SULT2B1: variants seen among roughly 807,000 people sequenced by gnomAD.
SULT2B1 encodes sulfotransferase family 2B member 1.
In SULT2B1, 16 loss-of-function variants were observed where a neutral mutation model predicts 33.2. The ratio of observed to expected loss-of-function variants is 0.48; its 90% confidence interval spans 0.33 to 0.73. The LOEUF (loss-of-function observed/expected upper bound fraction) is 0.73, where lower values mean the gene tolerates loss of function less well. Among genes scored for constraint, SULT2B1 ranks in the 30% least tolerant of loss-of-function variants. The probability of loss-of-function intolerance (pLI) is 0.02; values close to 1 mark genes in which losing one functional copy is unlikely to be tolerated. For synonymous variants in SULT2B1, 186 were observed against 200.5 expected (o/e 0.93, Z 0.61); for missense variants, 500 against 506.0 (o/e 0.99, Z 0.11).
At chr19:48,584,276 T>TGA (rs1973534446) in intron 2 of SULT2B1, among the ~76,000 whole-genome samples, 1 of 152,176 alleles carries the variant, frequency 6.6e-6, no homozygotes, top group South Asian at 2.1e-4. Context: ...GGTATGGTCA[T>TGA]GACCCACTGG....
intron 1 of SULT2B1, among the ~76,000 whole-genome samples, chr19:48,569,718 G>A (rs1223401509): frequency 6.6e-6 from 1 of 151,554 alleles, no homozygotes; most frequent in Non-Finnish European, 1.5e-5. Context: ...CCAGGCTGGA[G>A]TGCAGTGACA....
chr19:48,596,883 C>T lies in SULT2B1; in HGVS notation c.790C>T (p.Leu264=). ...MSNYTLLPPS[L]LDHRRGAFLR... ...CAACTACACGCTGCTGCCTCCCAGC[C>T]TGCTGGACCACCGTCGCGGGGCCTT... is the stretch of plus-strand genomic sequence containing the variant. The change falls in exon 6 of 7, where the codon CTG becomes TTG. Residue 264 remains leucine (L), a synonymous_variant. Coordinates refer to ENST00000201586, the MANE Select transcript of SULT2B1 (RefSeq NM_177973.2). 2 of 1,605,876 alleles carry T rather than the reference C, an allele frequency of 1.2e-6. No homozygotes were observed. Among genetic ancestry groups the T allele is most frequent in the Non-Finnish European group, 1.7e-6 (2 of 1,179,240 alleles).
At chr19:48,568,416 A>T (rs965009578) in intron 1 of SULT2B1, among the ~76,000 whole-genome samples, 1 of 152,136 alleles carries the variant, frequency 6.6e-6, no homozygotes, top group Non-Finnish European at 1.5e-5. Flanking sequence ...CCAAGCCCTG[A>T]AGACAGAGAA....
chr19:48,589,519 T>C (rs987520119), intron 3 of SULT2B1, among the ~76,000 whole-genome samples: 2 of 152,100 alleles, frequency 1.3e-5, no homozygotes, highest in African/African-American at 4.8e-5. Context: ...CGCCAAGGAA[T>C]TGAGCGTGGA....
At chr19:48,576,178 A>C in intron 2 of SULT2B1, 95 bp downstream of exon 2, 1 of 1,170,212 alleles carries the variant, frequency 8.5e-7, no homozygotes, top group East Asian at 2.4e-5. Context: ...GGGGAGGAGG[A>C]AAAGTGGGGC....
intron 1 of SULT2B1, among the ~76,000 whole-genome samples, chr19:48,565,710 G>C (rs1453891614): frequency 6.6e-6 from 1 of 151,852 alleles, no homozygotes; most frequent in African/African-American, 2.4e-5. Context: ...TGTTTTAATA[G>C]AAGTTTACCT....
chr19:48,579,999 C>T (rs1013629741), intron 2 of SULT2B1, among the ~76,000 whole-genome samples: 9 of 152,030 alleles, frequency 5.9e-5, no homozygotes, highest in Non-Finnish European at 1.0e-4. Flanking sequence ...TCTCAGCTCA[C>T]TGCAGCCTTG....
At chr19:48,589,778 A>G (rs555847920) in intron 3 of SULT2B1, among the ~76,000 whole-genome samples, 69 of 152,280 alleles carry the variant, frequency 4.5e-4, no homozygotes, top group African/African-American at 1.7e-3. Context: ...TGGGCAACTT[A>G]GAAACACCCA....
chr19:48,570,442 G>A (rs562581587), intron 1 of SULT2B1, among the ~76,000 whole-genome samples: 56 of 152,188 alleles, frequency 3.7e-4, no homozygotes, highest in African/African-American at 1.3e-3. Flanking sequence ...GCCTCCCAAA[G>A]TACTGGGATT....
Position 48,552,374 on chromosome 19 carries a change from T to C in SULT2B1, c.71+51T>C, listed in dbSNP as rs751283415. 39 of 1,597,216 alleles carry C rather than the reference T, an allele frequency of 2.4e-5. No individual in the cohort carries two copies. Among genetic ancestry groups the C allele is most frequent in the Non-Finnish European group, 3.3e-5 (39 of 1,169,070 alleles). On this transcript the variant is annotated intron_variant, in intron 1 of 6. Transcript: ENST00000201586. The surrounding 1 kb of genome is among the most constrained non-coding windows in gnomAD (Gnocchi z 4.8). ...CAGGAGATCCCAGGGAGGAGGTGGC[T>C]GTTTGGGGGAGCCGGGGACTGTGGC... is the stretch of plus-strand genomic sequence containing the variant.
intron 1 of SULT2B1, among the ~76,000 whole-genome samples, chr19:48,570,544 G>A (rs568591154): frequency 1.7e-4 from 26 of 152,166 alleles, no homozygotes; most frequent in Admixed American, 6.6e-4. Flanking sequence ...ACTTACCCAT[G>A]CAAGGACGTT....
intron 2 of SULT2B1, among the ~76,000 whole-genome samples, chr19:48,576,363 T>TCTTTTTTTTTTC (rs1439371386): frequency 8.6e-6 from 1 of 116,948 alleles, no homozygotes; most frequent in East Asian, 2.3e-4. Context: ...ACTTCTCTTT[T>TCTTTTTTTTTTC]TTTTTTTTTT....
chr19:48,592,725 A>G lies in SULT2B1; in HGVS notation c.554A>G (p.Gln185Arg). The G allele has an allele frequency of 1.9e-6, 3 of 1,593,074 alleles. No homozygotes were observed. The highest frequency in any genetic ancestry group is 2.6e-6 in the Non-Finnish European group (3 of 1,169,138). Residue 185 changes from glutamine to arginine, a missense_variant, in exon 5 of 7, where the codon CAG (glutamine) becomes CGG (arginine). Gln to Arg is a conservative substitution (Grantham distance 43). Transcript: ENST00000201586. ...FLRDFLKGEV[Q>R]FGSWFDHIKG... ...CCACTTGTCCCTCTGCCCACAGTGCAGTTTGGCTCCTGGTTCGACCACATT... is the reference window on the plus strand; with the variant it reads ...CCACTTGTCCCTCTGCCCACAGTGCGGTTTGGCTCCTGGTTCGACCACATT...
chr19:48,556,206 A>G (rs1403777777), intron 1 of SULT2B1, among the ~76,000 whole-genome samples: 1 of 152,050 alleles, frequency 6.6e-6, no homozygotes, highest in Non-Finnish European at 1.5e-5. Context: ...TGGCCAGGGG[A>G]ATGAGAGAAT....
chr19:48,576,037 A>G lies in SULT2B1; in HGVS notation c.168A>G (p.Gln56=), dbSNP rs1385459637. ...GCATCAGCTTGGCGGAGAACACCCA[A>G]GATGTGCGGGACGACGACATCTTTA... ...LESISLAENT[Q]DVRDDDIFII... is the part of the protein sequence containing the mutation. Residue 56 remains glutamine, a synonymous_variant, in exon 2 of 7, where the codon CAA becomes CAG. Coordinates refer to ENST00000201586, the MANE Select transcript of SULT2B1 (RefSeq NM_177973.2). 1 of 1,613,704 alleles carries G rather than the reference A, an allele frequency of 6.2e-7. No homozygotes were observed. Among genetic ancestry groups the G allele is most frequent in the Admixed American group, 1.7e-5 (1 of 59,974 alleles).
chr19:48,584,332 T>C (rs1372418481), intron 2 of SULT2B1, among the ~76,000 whole-genome samples: 1 of 152,072 alleles, frequency 6.6e-6, no homozygotes, highest in Admixed American at 6.6e-5. Flanking sequence ...TGAAATTTGC[T>C]AGGGGGAGGG....
chr19:48,554,805 A>G (rs1322753713), intron 1 of SULT2B1, among the ~76,000 whole-genome samples: 1 of 150,650 alleles, frequency 6.6e-6, no homozygotes, highest in Admixed American at 6.7e-5. Flanking sequence ...TCTGAGATGA[A>G]CCCACTTTGA....
chr19:48,589,274 C>T (rs1250837762), intron 3 of SULT2B1, among the ~76,000 whole-genome samples: 1 of 142,276 alleles, frequency 7.0e-6, no homozygotes, highest in Non-Finnish European at 1.5e-5. Context: ...TCCAAGGTTT[C>T]GGCGGAAGCA....
intron 1 of SULT2B1, among the ~76,000 whole-genome samples, chr19:48,562,208 A>G (rs982245373): frequency 6.6e-6 from 1 of 152,104 alleles, no homozygotes; most frequent in Non-Finnish European, 1.5e-5. Flanking sequence ...CTAACATGGT[A>G]AAACCCCGTT....
Sources: allele counts gnomAD v4.1 joint callset (sites outside exome capture counted in the v4.1 genomes callset), GRCh38; gene constraint gnomAD v4.1.1; non-coding constraint Gnocchi (gnomAD v3.1); transcripts MANE v1.5; gene names NCBI Gene and HGNC (gene_info 2026-07-23, HGNC 2026-07-21).